Variants in ITGB7 observed in about 807,000 individuals in gnomAD.
ITGB7 encodes the protein integrin subunit beta 7.
ITGB7 carries 55 observed loss-of-function variants against 83.4 expected under a neutral mutation model. The ratio of observed to expected loss-of-function variants is 0.66; its 90% CI spans 0.53 to 0.83. The LOEUF (loss-of-function observed/expected upper bound fraction) is 0.83. ITGB7 is among the 40% of genes least tolerant of loss of function. The pLI, the probability that ITGB7 is intolerant of heterozygous loss-of-function variation, is 0.00. For synonymous variants in ITGB7, 454 were observed against 423.6 expected, an observed-to-expected ratio of 1.07 and a Z score of -0.88; for missense variants, 921 against 1,046.7, an observed-to-expected ratio of 0.88 and a Z score of 1.66.
chr12:53,205,988 C>A (rs1942435156), intron 1 of ITGB7, among the ~76,000 whole-genome samples: 1 of 152,182 alleles, frequency 6.6e-6, no homozygotes, highest in African/African-American at 2.4e-5. Context: ...CAACCCAAAG[C>A]CGGGTTTTGA....
chr12:53,193,655 G>T, intron 11 of ITGB7, 53 bp downstream of exon 11: 1 of 1,487,108 alleles, frequency 6.7e-7, no homozygotes, highest in African/African-American at 1.4e-5. Flanking sequence ...ATACGGGCCA[G>T]GGTTGGTTGG....
chr12:53,194,453 C>CA, intron 9 of ITGB7, 109 bp from the exon 10 acceptor site: 1 of 1,087,126 alleles, frequency 9.2e-7, no homozygotes, highest in Non-Finnish European at 1.3e-6. Flanking sequence ...TGCCCTCTGC[C>CA]ACCTGGGGCT....
rs1942013787 is a variant in ITGB7, at chr12:53,192,909, G to A, written c.1728C>T (p.Gly576=). ...ATACTCCACATTGGCAGCGACCAAA[G>A]CCTGGGGTAGAGCCATGCAGAGGGT... The part of the protein sequence containing the change: ...CERHEGILCG[G]FGRCQCGVCH... The change falls in exon 13 of 16, where the codon GGC becomes GGT. Residue 576 remains glycine, a splice_region_variant and synonymous_variant. Coordinates refer to ENST00000267082, the MANE Select transcript of ITGB7 (RefSeq NM_000889.3). 6.2e-7 allele frequency: 1 copy of A among 1,613,828 alleles called. No homozygotes were observed. The highest frequency in any genetic ancestry group is 1.1e-5 in the South Asian group (1 of 91,046).
At chr12:53,194,108 C>A in intron 10 of ITGB7, 90 bp downstream of exon 10, 1 of 1,565,806 alleles carries the variant, frequency 6.4e-7, no homozygotes, top group Admixed American at 1.7e-5. Context: ...ATGTCACTCC[C>A]TGTACCTGCC....
At chr12:53,193,009 T>G in intron 12 of ITGB7, 99 bp from the exon 13 acceptor site, 1 of 1,381,140 alleles carries the variant, frequency 7.2e-7, no homozygotes, top group South Asian at 1.2e-5. Context: ...TTTTGAAGTA[T>G]GCCAACCACA....
At chr12:53,197,259 T>G in intron 5 of ITGB7, 1 of 614,988 alleles carries the variant, frequency 1.6e-6, no homozygotes, top group Non-Finnish European at 2.9e-6. Flanking sequence ...GCACAGTCTC[T>G]CCAGACGCTG....
rs1282779013 is a variant in ITGB7, at chr12:53,196,039, A to T, written c.975+2T>A. The T allele has an allele frequency of 1.2e-6, 2 of 1,613,726 alleles. No homozygotes were observed. The highest frequency in any genetic ancestry group is 1.7e-6 in the Non-Finnish European group (2 of 1,179,686). ...AGAGGCAGGGTGACAATAGGGACTCACAAACTCTGTGCTGCGACTGTAGAG... is the reference window on the plus strand; with the variant it reads ...AGAGGCAGGGTGACAATAGGGACTCTCAAACTCTGTGCTGCGACTGTAGAG... On this transcript the variant is annotated splice_donor_variant, in intron 7 of 15. Coordinates refer to ENST00000267082, the MANE Select transcript of ITGB7 (RefSeq NM_000889.3). LOFTEE classifies it high-confidence loss of function.
At chr12:53,203,079 T>A (rs955242050) in intron 1 of ITGB7, among the ~76,000 whole-genome samples, 1 of 152,190 alleles carries the variant, frequency 6.6e-6, no homozygotes, top group Non-Finnish European at 1.5e-5. Context: ...AACAGATACA[T>A]TGGACTTCAT....
At chr12:53,200,928 TA>T (rs72201105) in intron 2 of ITGB7, 143 bp downstream of exon 2, 17,276 of 145,544 alleles carry the variant, frequency 0.12, 1,070 homozygotes, top group African/African-American at 0.19. Context: ...GAATCTGTCT[TA>T]AAAAAAAAAA....
rs188891774 is a variant in ITGB7, at chr12:53,200,671, G to A, written c.-3-225C>T. Reference sequence around the variant, plus strand: ...CCTCCGGACGTGGTGGCTCATGCCTGTTATCTCAGCACTTTAGGAAGCCAA... The same window carrying A: ...CCTCCGGACGTGGTGGCTCATGCCTATTATCTCAGCACTTTAGGAAGCCAA... On this transcript the variant is annotated intron_variant, in intron 2 of 15. Transcript: ENST00000267082. Among the ~76,000 whole-genome samples the A allele has an allele frequency of 2.6e-3, 402 of 152,282 alleles. 6 individuals carry two copies. The highest frequency in any genetic ancestry group is 0.014 in the Middle Eastern group (4 of 292).
intron 2 of ITGB7, 68 bp downstream of exon 2, chr12:53,201,004 A>G (rs979401633): frequency 2.0e-5 from 3 of 152,730 alleles, no homozygotes; most frequent in African/African-American, 7.2e-5. Context: ...AAGGTGGGCA[A>G]AATGGCCTAC....
At chr12:53,203,936 G>T (rs1490476503) in intron 1 of ITGB7, among the ~76,000 whole-genome samples, 1 of 152,096 alleles carries the variant, frequency 6.6e-6, no homozygotes, top group Non-Finnish European at 1.5e-5. Context: ...TTGAAAACAG[G>T]TGTTCAAACA....
intron 4 of ITGB7, 36 bp from the exon 5 acceptor site, chr12:53,197,699 A>T (rs1942212515): frequency 1.2e-6 from 2 of 1,605,554 alleles, no homozygotes; most frequent in African/African-American, 1.3e-5. Context: ...AGCAGAGCGC[A>T]TTGGAACGCC....
chr12:53,192,280 A>C (rs781024750), intron 14 of ITGB7, 50 bp downstream of exon 14: 1 of 1,572,234 alleles, frequency 6.4e-7, no homozygotes, highest in Non-Finnish European at 8.7e-7. Context: ...CCCAGAGTTG[A>C]GACCCTGCCC....
At chr12:53,202,348 A>C (rs1340544072) in intron 1 of ITGB7, among the ~76,000 whole-genome samples, 1 of 152,082 alleles carries the variant, frequency 6.6e-6, no homozygotes, top group African/African-American at 2.4e-5. Context: ...AACAGAGTGA[A>C]ACTCTGTCTT....
At chr12:53,194,376 G>C in intron 9 of ITGB7, 32 bp from the exon 10 acceptor site, 1 of 1,611,194 alleles carries the variant, frequency 6.2e-7, no homozygotes, top group Non-Finnish European at 8.5e-7. Flanking sequence ...ATAACCACGT[G>C]AAGGCAGAAA....
In ITGB7 at chr12:53,191,504, GTTCCCACTGTCCTCCAAGGA is replaced by G. The variant is rs1941941104; in HGVS notation, c.*32_*51del. The G allele has an allele frequency of 7.0e-7, 1 of 1,427,740 alleles. No individual in the cohort carries two copies. Among genetic ancestry groups the G allele is most frequent in the East Asian group, 2.3e-5 (1 of 43,966 alleles). 88.4% of individuals were successfully genotyped at this position (1,427,740 alleles called of 1,614,324 possible). A position where few individuals can be genotyped will look rare whatever the true frequency, so the allele number is the denominator to read the frequency against. ...GACCCACCCTTCCTCTCACCCTCCA[GTTCCCACTGTCCTCCAAGGA>G]GAAGAGCCTTGGGTAAGTGTCCCTC... is the stretch of plus-strand genomic sequence containing the variant. On this transcript the variant is annotated 3_prime_UTR_variant, in exon 16 of 16. Coordinates refer to ENST00000267082, the MANE Select transcript of ITGB7 (RefSeq NM_000889.3).
chr12:53,200,198 C>CACAT, intron 3 of ITGB7, 45 bp downstream of exon 3: 10 of 1,508,896 alleles, frequency 6.6e-6, no homozygotes, highest in Non-Finnish European at 9.2e-6. Context: ...TATACACATA[C>CACAT]ACATACACAT....
At chr12:53,193,540 A>AG in intron 11 of ITGB7, 168 bp downstream of exon 11, 2 of 748,332 alleles carry the variant, frequency 2.7e-6, no homozygotes, top group Non-Finnish European at 4.3e-6. Context: ...AGCCCCAGTC[A>AG]GGGGGAGGGC....
Sources: gnomAD v4.1 joint callset for allele counts (sites outside exome capture counted in the v4.1 genomes callset) on GRCh38, gnomAD v4.1.1 for gene constraint, MANE v1.5 for transcripts, NCBI Gene and HGNC (gene_info 2026-07-23, HGNC 2026-07-21) for gene names.